Variants in TMEM178A observed in about 807,000 individuals in gnomAD.
TMEM178A encodes the protein transmembrane protein 178A, also known as transmembrane protein 178.
TMEM178A carries 12 observed loss-of-function variants against 29.1 expected under a neutral mutation model. The observed-to-expected ratio is 0.41, with a 90% CI of 0.26 to 0.67. The LOEUF (loss-of-function observed/expected upper bound fraction) is 0.67. Ranked by LOEUF, TMEM178A falls within the 30% of genes least tolerant of loss-of-function variation. TMEM178A has a pLI of 0.29. For synonymous variants in TMEM178A, 210 were observed against 187.2 expected, an observed-to-expected ratio of 1.12 and a Z score of -0.99; for missense variants, 366 against 419.1, an observed-to-expected ratio of 0.87 and a Z score of 1.11.
chr2:39,694,593 T>C (rs1216460914), intron 1 of TMEM178A, among the ~76,000 whole-genome samples: 1 of 152,186 alleles, frequency 6.6e-6, no homozygotes, highest in Non-Finnish European at 1.5e-5. Flanking sequence ...CTCTCCAGGA[T>C]GGAAGCCACA....
At chr2:39,703,001 T>G (rs2148100262) in intron 1 of TMEM178A, among the ~76,000 whole-genome samples, 1 of 152,338 alleles carries the variant, frequency 6.6e-6, no homozygotes, top group South Asian at 2.1e-4. Context: ...CAGGAGGGAC[T>G]GGGGCTCATG....
At chr2:39,716,429 C>A (rs752954585) in intron 3 of TMEM178A, among the ~76,000 whole-genome samples, 6 of 152,198 alleles carry the variant, frequency 3.9e-5, no homozygotes, top group Non-Finnish European at 5.9e-5. Context: ...GATCTCCTTG[C>A]TCAGCTATTT....
At chr2:39,683,301 C>T (rs754416660) in intron 1 of TMEM178A, among the ~76,000 whole-genome samples, 11 of 152,122 alleles carry the variant, frequency 7.2e-5, no homozygotes, top group African/African-American at 1.7e-4. Context: ...CCAGCAAAGC[C>T]GAGAATGTTA....
At chr2:39,694,848 G>A (rs75219086) in intron 1 of TMEM178A, among the ~76,000 whole-genome samples, 34 of 152,256 alleles carry the variant, frequency 2.2e-4, no homozygotes, top group African/African-American at 7.7e-4. Flanking sequence ...ACCGGACAGA[G>A]CTGCTTAGAT....
At chr2:39,708,480 G>A (rs950584330) in intron 3 of TMEM178A, among the ~76,000 whole-genome samples, 8 of 140,890 alleles carry the variant, frequency 5.7e-5, no homozygotes, top group Non-Finnish European at 1.1e-4. Flanking sequence ...GTGCAGTGGC[G>A]CGATCTCGAC....
At chr2:39,733,085 C>A in the TMEM178A span, among the ~76,000 whole-genome samples, 2 of 152,252 alleles carry the variant, frequency 1.3e-5, no homozygotes, top group South Asian at 2.1e-4. Flanking sequence ...CTGAGGGTAG[C>A]TATTCCAGCT....
chr2:39,727,629 C>T, the TMEM178A span, among the ~76,000 whole-genome samples: 1 of 152,090 alleles, frequency 6.6e-6, no homozygotes, highest in African/African-American at 2.4e-5. Context: ...AGGTTCGTTA[C>T]GTAGGTATAC....
chr2:39,686,696 G>A (rs1364972894), intron 1 of TMEM178A, among the ~76,000 whole-genome samples: 2 of 151,056 alleles, frequency 1.3e-5, no homozygotes, highest in African/African-American at 2.4e-5. Flanking sequence ...ATGGGGGGGC[G>A]GAGCTGTAAA....
rs550075435 is a variant in TMEM178A at position 39,690,189 on chromosome 2, T to C, written c.401-13892T>C. 8.3e-4 allele frequency among the ~76,000 whole-genome samples: 125 copies of C among 151,256 alleles called. 2 individuals are homozygous for C. The South Asian group carries it at 0.026, about 31-fold the overall frequency. On this transcript the variant is annotated intron_variant, in intron 1 of 3. Transcript: ENST00000281961. ...TCTCAAAATCTGGCCACAGATCCTGTTAACTGACGGTGAACTCCATCAAGG... is the reference window on the plus strand; with the variant it reads ...TCTCAAAATCTGGCCACAGATCCTGCTAACTGACGGTGAACTCCATCAAGG...
At chr2:39,705,036 CTAATATACATATTA>C (rs1236998050) in intron 2 of TMEM178A, among the ~76,000 whole-genome samples, 1 of 152,170 alleles carries the variant, frequency 6.6e-6, no homozygotes, top group African/African-American at 2.4e-5. Flanking sequence ...GAGCAGTGGT[CTAATATACATATTA>C]TGGCAGGCAA....
At chr2:39,691,265 A>G (rs1274910217) in intron 1 of TMEM178A, among the ~76,000 whole-genome samples, 1 of 152,226 alleles carries the variant, frequency 6.6e-6, no homozygotes, top group Non-Finnish European at 1.5e-5. Flanking sequence ...TCTCTGAGAC[A>G]TATCATAATA....
At chr2:39,700,088 C>T (rs1163434740) in intron 1 of TMEM178A, among the ~76,000 whole-genome samples, 1 of 152,070 alleles carries the variant, frequency 6.6e-6, no homozygotes, top group African/African-American at 2.4e-5. Flanking sequence ...AGAGAATATA[C>T]TATGTGCACT....
At chr2:39,694,405 G>C (rs1285971375) in intron 1 of TMEM178A, among the ~76,000 whole-genome samples, 2 of 152,130 alleles carry the variant, frequency 1.3e-5, no homozygotes, top group Non-Finnish European at 2.9e-5. Context: ...CCAGGAAGTT[G>C]AGTCTCCATT....
intron 1 of TMEM178A, among the ~76,000 whole-genome samples, chr2:39,687,902 A>G (rs1421947836): frequency 1.3e-5 from 2 of 152,262 alleles, no homozygotes; most frequent in Non-Finnish European, 2.9e-5. Flanking sequence ...TTGGAGGCAG[A>G]TGCAAATTCA....
chr2:39,725,013 G>C, the TMEM178A span, among the ~76,000 whole-genome samples: 2 of 152,200 alleles, frequency 1.3e-5, no homozygotes, highest in Admixed American at 1.3e-4. Context: ...TGACGCATGT[G>C]ATTAATACAG....
intron 1 of TMEM178A, among the ~76,000 whole-genome samples, chr2:39,667,089 G>A (rs1285081989): frequency 6.6e-6 from 1 of 152,228 alleles, no homozygotes; most frequent in Non-Finnish European, 1.5e-5. Flanking sequence ...CAACCTTCCT[G>A]AGGACCCCAT....
the TMEM178A span, among the ~76,000 whole-genome samples, chr2:39,732,841 G>A: frequency 6.6e-6 from 1 of 152,196 alleles, no homozygotes; most frequent in Non-Finnish European, 1.5e-5. Context: ...CAGTAAATGA[G>A]TCAGAGCAGC....
At position 39,707,096 on chromosome 2, in the gene TMEM178A, C is replaced by T; in HGVS notation, c.562C>T (p.Leu188Phe). Residue 188 changes from leucine (L) to phenylalanine (F), a missense_variant, in exon 3 of 4, where the codon CTT becomes TTT. Transcript: ENST00000281961. Reference sequence around the variant, plus strand: ...CTTCCTCGGCATGGCCGTAGCCGTCCTTCTCTGCGGCTGCATTGTGGCCAC... The same window carrying T: ...CTTCCTCGGCATGGCCGTAGCCGTCTTTCTCTGCGGCTGCATTGTGGCCAC... ...AGFLGMAVAV[L>F]LCGCIVATVS... is the part of the protein sequence containing the mutation. 6.2e-7 allele frequency: 1 copy of T among 1,614,116 alleles called. No individual in the cohort carries two copies. The highest frequency in any genetic ancestry group is 1.1e-5 in the South Asian group (1 of 91,066).
Position 39,695,501 on chromosome 2 carries a change from A to C in TMEM178A, c.401-8580A>C, listed in dbSNP as rs149782491. Among the ~76,000 whole-genome samples the C allele has an allele frequency of 3.1e-3, 469 of 151,208 alleles. 2 individuals are homozygous for C. Among genetic ancestry groups the C allele is most frequent in the African/African-American group, 0.011 (436 of 41,100 alleles). ...AAAGAGAGTGAGCTATGTGGTCTGC[A>C]GTGTTTGGGGTAGGCTTTTCGAAGG... On this transcript the variant is annotated intron_variant, in intron 1 of 3. Transcript: ENST00000281961.
Sources: allele counts gnomAD v4.1 joint callset (sites outside exome capture counted in the v4.1 genomes callset), GRCh38; gene constraint gnomAD v4.1.1; transcripts MANE v1.5; gene names NCBI Gene and HGNC (gene_info 2026-07-23, HGNC 2026-07-21).